ATP2B1: variants seen among roughly 807,000 people sequenced by gnomAD.
ATP2B1 encodes the protein ATPase plasma membrane Ca2+ transporting 1, also known as plasma membrane calcium-transporting ATPase 1.
Under a neutral mutation model 124.2 loss-of-function variants are expected in ATP2B1, and 14 were observed. The ratio of observed to expected loss-of-function variants is 0.11; its 90% CI spans 0.07 to 0.18. ATP2B1 has a LOEUF of 0.18. ATP2B1 is among the 10% of genes least tolerant of loss of function. The pLI is 1.00. For missense variants in ATP2B1, 763 were observed against 1,466.1 expected (o/e 0.52, Z 7.83); for synonymous variants, 449 against 492.4 (o/e 0.91, Z 1.17).
chr12:89,650,961 G>C (rs1885169246), intron 2 of ATP2B1, among the ~76,000 whole-genome samples: 1 of 152,192 alleles, frequency 6.6e-6, no homozygotes, highest in African/African-American at 2.4e-5. Context: ...GTTATAAGCA[G>C]GTTATTTTGG....
At chr12:89,690,213 A>T (rs1890401754) in intron 1 of ATP2B1, among the ~76,000 whole-genome samples, 1 of 152,106 alleles carries the variant, frequency 6.6e-6, no homozygotes, top group Non-Finnish European at 1.5e-5. Context: ...CCAAGAATTA[A>T]CTTAAATCAT....
Position 89,638,363 on chromosome 12 carries a change from T to TGTACATTAACA in ATP2B1, c.407-3123_407-3113dup, listed in dbSNP as rs1346104540. 7.2e-5 allele frequency among the ~76,000 whole-genome samples: 11 copies of TGTACATTAACA among 152,340 alleles called. No homozygotes were observed. The South Asian group carries it at 1.5e-3, about 20-fold the overall frequency. On this transcript the variant is annotated intron_variant, in intron 3 of 20. Coordinates refer to ENST00000428670, the MANE Select transcript of ATP2B1 (RefSeq NM_001366521.1). ...TATTCATTGGGTGATGTACCAAGTT[T>TGTACATTAACA]GTACATTAACAGTACAGAGAAGTAG...
chr12:89,626,415 TTAAAAA>T (rs1423056137), intron 8 of ATP2B1, 33 bp downstream of exon 8: 8 of 1,543,196 alleles, frequency 5.2e-6, no homozygotes, highest in Non-Finnish European at 7.0e-6. Flanking sequence ...GAAAGCATAC[TTAAAAA>T]TAAAACACTT....
chr12:89,682,502 A>AT lies in ATP2B1; in HGVS notation c.-222+26093dup, dbSNP rs554925539. ...GAATAAAACAGTATGGCAATGATAG[A>AT]TAAAAAGACCAATGGACTGAAATAG... is the stretch of plus-strand genomic sequence containing the variant. On this transcript the variant is annotated intron_variant, in intron 1 of 20. Transcript: ENST00000428670. Among the ~76,000 whole-genome samples, 331 of 152,348 alleles carry AT rather than the reference A, an allele frequency of 2.2e-3. 1 individual carries two copies. Among genetic ancestry groups the AT allele is most frequent in the African/African-American group, 7.7e-3 (320 of 41,588 alleles).
Position 89,656,047 on chromosome 12 carries a change from G to T in ATP2B1, c.-161C>A, listed in dbSNP as rs78268348. 2.6e-3 allele frequency: 1,790 copies of T among 685,562 alleles called. 18 individuals are homozygous for T. The African/African-American group carries it at 0.029, about 11-fold the overall frequency. 42.5% of individuals were successfully genotyped at this position (685,562 alleles called of 1,614,324 possible). A position where few individuals can be genotyped will look rare whatever the true frequency, so the allele number is the denominator to read the frequency against. Reference sequence around the variant, plus strand: ...AGCATCAGCAGCAACATTTCCCAGAGAAGTATCTTGACCTTTGGCCCATGA... The same window carrying T: ...AGCATCAGCAGCAACATTTCCCAGATAAGTATCTTGACCTTTGGCCCATGA... On this transcript the variant is annotated 5_prime_UTR_variant, in exon 2 of 21. Coordinates refer to ENST00000428670, the MANE Select transcript of ATP2B1 (RefSeq NM_001366521.1).
intron 20 of ATP2B1, among the ~76,000 whole-genome samples, chr12:89,596,357 T>G (rs939790068): frequency 6.6e-6 from 1 of 151,904 alleles, no homozygotes; most frequent in East Asian, 1.9e-4. Flanking sequence ...CATAAGTCAA[T>G]GTCATAAAAA....
At chr12:89,602,520 T>C (rs1876057347) in intron 18 of ATP2B1, among the ~76,000 whole-genome samples, 1 of 152,226 alleles carries the variant, frequency 6.6e-6, no homozygotes, top group Non-Finnish European at 1.5e-5. Flanking sequence ...CTTGTACAGA[T>C]AGATTTCCAA....
Position 89,616,984 on chromosome 12 carries a change from G to A in ATP2B1, c.1885C>T (p.Arg629Cys). Residue 629 changes from arginine to cysteine, a missense_variant, in exon 12 of 21, where the codon CGT becomes TGT. This residue lies in a region of ATP2B1 where 392 missense variants were observed against 776.6 expected (regional missense o/e 0.50). Coordinates refer to ENST00000428670, the MANE Select transcript of ATP2B1 (RefSeq NM_001366521.1). The stretch of plus-strand genomic sequence containing the variant: ...ATCACAGTTTTTACAATATCATCAC[G>A]GTCCCTTGGTCTGAATACTTTTGCC... Reference protein sequence around the residue: ...GEAKVFRPRDRDDIVKTVIEP... With the variant: ...GEAKVFRPRDCDDIVKTVIEP... 1 of 1,613,886 alleles carries A rather than the reference G, an allele frequency of 6.2e-7. No homozygotes were observed. Among genetic ancestry groups the A allele is most frequent in the African/African-American group, 1.3e-5 (1 of 74,976 alleles).
chr12:89,654,794 A>G (rs1885756374), intron 2 of ATP2B1, among the ~76,000 whole-genome samples: 1 of 152,162 alleles, frequency 6.6e-6, no homozygotes, highest in South Asian at 2.1e-4. Flanking sequence ...ATTTCTCTAG[A>G]ATTAGCTTTG....
chr12:89,611,391 A>G lies in ATP2B1; in HGVS notation c.2068-19T>C, dbSNP rs1247820468. On this transcript the variant is annotated intron_variant, in intron 12 of 20. Transcript: ENST00000428670. ...CTGGCACCTGGTTTACATTAAAAAAAAAAATTACAAAGTTAATTTGGTATT... is the reference window on the plus strand; with the variant it reads ...CTGGCACCTGGTTTACATTAAAAAAGAAAATTACAAAGTTAATTTGGTATT... 4 of 1,486,400 alleles carry G rather than the reference A, an allele frequency of 2.7e-6. No individual in the cohort carries two copies. In the South Asian group the frequency reaches 4.4e-5, roughly 16 times the overall value. 92.1% of individuals were successfully genotyped at this position (1,486,400 alleles called of 1,614,324 possible). A position where few individuals can be genotyped will look rare whatever the true frequency, so the allele number is the denominator to read the frequency against.
chr12:89,590,953 T>C lies in ATP2B1; in HGVS notation c.*31A>G, dbSNP rs551140844. On this transcript the variant is annotated 3_prime_UTR_variant, in exon 21 of 21. Coordinates refer to ENST00000428670, the MANE Select transcript of ATP2B1 (RefSeq NM_001366521.1). ...CCAGTTTCAATTTGTTTCTTTACAA[T>C]GCAGCTAGTGTGTTAACATTCAGCT... is the stretch of plus-strand genomic sequence containing the variant. The C allele has an allele frequency of 5.0e-5, 79 of 1,581,762 alleles. No individual in the cohort carries two copies. Among genetic ancestry groups the C allele is most frequent in the Non-Finnish European group, 6.2e-5 (72 of 1,157,666 alleles).
chr12:89,698,713 A>C (rs1891469197), intron 1 of ATP2B1, among the ~76,000 whole-genome samples: 2 of 152,236 alleles, frequency 1.3e-5, no homozygotes. Context: ...TATGGGTTTC[A>C]CAGTAGGGTG....
Position 89,620,019 on chromosome 12 carries a change from T to C in ATP2B1, c.1809A>G (p.Ala603=). 6.2e-7 allele frequency: 1 copy of C among 1,614,040 alleles called. No homozygotes were observed. The highest frequency in any genetic ancestry group is 8.5e-7 in the Non-Finnish European group (1 of 1,179,956). ...DGSYRIFSKG[A]SEIILKKCFK... ...CTTACTTTTTCAGAATTATCTCAGATGCACCCTTGCTGAATATTCGATAAC... is the reference window on the plus strand; with the variant it reads ...CTTACTTTTTCAGAATTATCTCAGACGCACCCTTGCTGAATATTCGATAAC... Residue 603 remains alanine, a synonymous_variant, in exon 11 of 21, where the codon GCA becomes GCG. Transcript: ENST00000428670.
intron 7 of ATP2B1, 57 bp downstream of exon 7, chr12:89,627,621 T>G: frequency 6.4e-7 from 1 of 1,566,516 alleles, no homozygotes; most frequent in Non-Finnish European, 8.8e-7. Flanking sequence ...TGGTATACAG[T>G]AGATTTTTGG....
intron 1 of ATP2B1, among the ~76,000 whole-genome samples, chr12:89,665,573 G>C (rs1172181900): frequency 6.6e-6 from 1 of 152,156 alleles, no homozygotes; most frequent in Non-Finnish European, 1.5e-5. Flanking sequence ...ATCCTGTGCA[G>C]TTTACCAAAT....
intron 9 of ATP2B1, among the ~76,000 whole-genome samples, chr12:89,623,036 T>C (rs553767501): frequency 2.7e-5 from 4 of 148,552 alleles, no homozygotes; most frequent in South Asian, 2.2e-4. Flanking sequence ...AAAGGACAGA[T>C]AGATGATTAT....
At chr12:89,660,496 G>A (rs1886575010) in intron 1 of ATP2B1, among the ~76,000 whole-genome samples, 1 of 152,180 alleles carries the variant, frequency 6.6e-6, no homozygotes, top group Admixed American at 6.5e-5. Context: ...TAATTAGCAT[G>A]ACTGATGTAA....
intron 1 of ATP2B1, among the ~76,000 whole-genome samples, chr12:89,699,557 A>G (rs924638499): frequency 7.2e-5 from 11 of 152,174 alleles, no homozygotes; most frequent in African/African-American, 2.7e-4. Context: ...AATTTTCAAG[A>G]GAGAAAAATC....
chr12:89,684,355 T>C (rs538366776), intron 1 of ATP2B1, among the ~76,000 whole-genome samples: 2 of 152,258 alleles, frequency 1.3e-5, no homozygotes, highest in African/African-American at 4.8e-5. Context: ...TTAAATGTGC[T>C]AACGCTGGGA....
Sources: gnomAD v4.1 joint callset for allele counts (sites outside exome capture counted in the v4.1 genomes callset) on GRCh38, gnomAD v4.1.1 for gene constraint, gnomAD v4.1.1 regional missense constraint, MANE v1.5 for transcripts, NCBI Gene and HGNC (gene_info 2026-07-23, HGNC 2026-07-21) for gene names.